MME: variants seen among roughly 807,000 people sequenced by gnomAD.
MME encodes neprilysin.
A neutral mutation model predicts 113.2 loss-of-function variants in MME; 98 were observed. The ratio of observed to expected loss-of-function variants is 0.87; its 90% CI spans 0.74 to 1.02. MME has a LOEUF of 1.02. MME is among the 50% of genes least tolerant of loss of function. MME has a pLI of 0.00. For synonymous variants in MME, 292 were observed against 300.6 expected, an observed-to-expected ratio of 0.97 and a Z score of 0.30; for missense variants, 836 against 896.0, an observed-to-expected ratio of 0.93 and a Z score of 0.86.
At chr3:155,059,199 C>A (rs1714049789) in intron 1 of MME, among the ~76,000 whole-genome samples, 1 of 137,732 alleles carries the variant, frequency 7.3e-6, no homozygotes, top group African/African-American at 2.8e-5. Context: ...AGGTTGCAGT[C>A]AGTGAGCCGA....
intron 3 of MME, among the ~76,000 whole-genome samples, chr3:155,087,263 T>C (rs950727348): frequency 1.4e-5 from 2 of 146,538 alleles, no homozygotes; most frequent in Non-Finnish European, 3.0e-5. Context: ...TTTTTTTTTT[T>C]TGTATCGTTT....
chr3:155,138,952 C>T (rs1720849942), intron 9 of MME, among the ~76,000 whole-genome samples: 1 of 152,038 alleles, frequency 6.6e-6, no homozygotes, highest in South Asian at 2.1e-4. Context: ...TTCTCTTTGT[C>T]ATTGCAAACG....
chr3:155,134,066 TTGC>T (rs2108296090), intron 8 of MME, among the ~76,000 whole-genome samples: 1 of 152,056 alleles, frequency 6.6e-6, no homozygotes, highest in East Asian at 1.9e-4. Flanking sequence ...AAAAATTGAG[TTGC>T]TGAGAATATA....
chr3:155,059,220 C>T (rs1236955777), intron 1 of MME, among the ~76,000 whole-genome samples: 1 of 143,232 alleles, frequency 7.0e-6, no homozygotes, highest in Non-Finnish European at 1.5e-5. Flanking sequence ...GATCACACCA[C>T]TGCACTCCAA....
upstream of MME, among the ~76,000 whole-genome samples, chr3:155,077,114 A>G (rs1251305418): frequency 6.6e-6 from 1 of 152,160 alleles, no homozygotes; most frequent in Non-Finnish European, 1.5e-5. Context: ...CCCCTATTCA[A>G]GATGGAGTTG....
At chr3:155,177,987 T>A (rs1421240098) in intron 22 of MME, among the ~76,000 whole-genome samples, 1 of 152,110 alleles carries the variant, frequency 6.6e-6, no homozygotes, top group Non-Finnish European at 1.5e-5. Context: ...GCCTCCACTC[T>A]TCATGTCCAG....
intron 17 of MME, among the ~76,000 whole-genome samples, chr3:155,161,327 C>T (rs959550224): frequency 6.6e-6 from 1 of 152,044 alleles, no homozygotes; most frequent in African/African-American, 2.4e-5. Context: ...CAGGTACACT[C>T]AGTCCTGCCC....
rs1172600739 is a variant in MME, at chr3:155,182,092, GAAC to G, written c.*1640_*1642del. ...CCTCCTTGTCACTTTATTACTCCCA[GAAC>G]AACAACTATCCTGACTTCTAATATC... On this transcript the variant is annotated 3_prime_UTR_variant, in exon 23 of 23. Coordinates refer to ENST00000360490, the MANE Select transcript of MME (RefSeq NM_007289.4). 4 of 152,152 alleles carry G rather than the reference GAAC, an allele frequency of 2.6e-5. No individual in the cohort carries two copies. The highest frequency in any genetic ancestry group is 6.6e-5 in the Admixed American group (1 of 15,262). 9.4% of individuals were successfully genotyped at this position (152,152 alleles called of 1,614,324 possible).
chr3:155,117,249 G>A lies in MME; in HGVS notation c.654+263G>A, dbSNP rs140477206. Reference sequence around the variant, plus strand: ...CTTCACAAAACAAATGATAAGAAGGGCTCCAGGCCCCTCCTATTCAGAAAA... The same window carrying A: ...CTTCACAAAACAAATGATAAGAAGGACTCCAGGCCCCTCCTATTCAGAAAA... On this transcript the variant is annotated intron_variant, in intron 7 of 22. Coordinates refer to ENST00000360490, the MANE Select transcript of MME (RefSeq NM_007289.4). Among the ~76,000 whole-genome samples, 209 of 152,240 alleles carry A rather than the reference G, an allele frequency of 1.4e-3. 1 individual carries two copies. The highest frequency in any genetic ancestry group is 2.2e-3 in the Non-Finnish European group (151 of 68,024).
chr3:155,143,417 T>C (rs1168784402), intron 12 of MME, 26 bp from the exon 13 acceptor site: 1 of 1,609,156 alleles, frequency 6.2e-7, no homozygotes, highest in Non-Finnish European at 8.5e-7. Context: ...TCTGGTCAAA[T>C]GCCATTTCCT....
intron 8 of MME, among the ~76,000 whole-genome samples, chr3:155,133,612 T>G (rs939691871): frequency 3.3e-5 from 5 of 149,430 alleles, no homozygotes; most frequent in Non-Finnish European, 5.9e-5. Flanking sequence ...TATATATATA[T>G]GTATATACAC....
chr3:155,097,050 G>A (rs1283388575), intron 3 of MME, among the ~76,000 whole-genome samples: 1 of 152,186 alleles, frequency 6.6e-6, no homozygotes, highest in African/African-American at 2.4e-5. Flanking sequence ...TCAAGTTTCT[G>A]GCTTGGTAAA....
intron 3 of MME, among the ~76,000 whole-genome samples, chr3:155,098,968 CAG>C (rs1716979276): frequency 1.3e-5 from 2 of 152,004 alleles, no homozygotes; most frequent in Non-Finnish European, 2.9e-5. Context: ...CAGTAGAAGA[CAG>C]AGATAAAGTA....
chr3:155,096,112 T>C (rs1476282869), intron 3 of MME, among the ~76,000 whole-genome samples: 1 of 152,176 alleles, frequency 6.6e-6, no homozygotes, highest in South Asian at 2.1e-4. Context: ...CTAGCAAGAC[T>C]TGATACTAGA....
At chr3:155,060,855 G>C (rs1463962725) in intron 1 of MME, among the ~76,000 whole-genome samples, 1 of 151,044 alleles carries the variant, frequency 6.6e-6, no homozygotes, top group Non-Finnish European at 1.5e-5. Flanking sequence ...GAGAGAGAGA[G>C]AGAGTGAGAG....
At chr3:155,069,683 C>A (rs1714492174) in intron 1 of MME, among the ~76,000 whole-genome samples, 1 of 152,104 alleles carries the variant, frequency 6.6e-6, no homozygotes, top group South Asian at 2.1e-4. Flanking sequence ...TTATTAACAC[C>A]TACTTAAATA....
intron 1 of MME, among the ~76,000 whole-genome samples, chr3:155,025,239 C>A (rs944519856): frequency 2.6e-5 from 4 of 152,136 alleles, no homozygotes; most frequent in African/African-American, 4.8e-5. Flanking sequence ...ATCTACTCAG[C>A]CAACTGTGCC....
At chr3:155,144,481 C>T (rs747692344) in intron 14 of MME, 24 bp downstream of exon 14, 2 of 1,470,326 alleles carry the variant, frequency 1.4e-6, no homozygotes, top group Non-Finnish European at 1.9e-6. Context: ...AGCTAACTAG[C>T]AAAGAAAAAT....
At chr3:155,164,135 C>T (rs924752831) in intron 17 of MME, among the ~76,000 whole-genome samples, 1 of 146,270 alleles carries the variant, frequency 6.8e-6, no homozygotes, top group East Asian at 2.0e-4. Flanking sequence ...CAGAGTAAGA[C>T]CCTGTTTCAA....
Sources: allele counts gnomAD v4.1 joint callset (sites outside exome capture counted in the v4.1 genomes callset), GRCh38; gene constraint gnomAD v4.1.1; transcripts MANE v1.5; gene names NCBI Gene and HGNC (gene_info 2026-07-23, HGNC 2026-07-21).